The following POMP variants were observed in gnomAD, a reference collection of about 807,000 sequenced individuals.
The protein encoded by POMP is 2510048O06Rik.
In POMP, 12 loss-of-function variants were observed where a neutral mutation model predicts 20.6. That is an observed-to-expected ratio of 0.58 (90% CI 0.37 to 0.94). The LOEUF (loss-of-function observed/expected upper bound fraction) is 0.94. Among genes scored for constraint, POMP ranks in the 40% least tolerant of loss-of-function variants. The pLI is 0.01. For missense variants in POMP, 136 were observed against 161.1 expected (o/e 0.84, Z 0.84); for synonymous variants, 53 against 55.0 (o/e 0.96, Z 0.16).
chr13:28,662,642 AGGG>A (rs2137790157), intron 2 of POMP, 135 bp downstream of exon 2: 1 of 730,786 alleles, frequency 1.4e-6, no homozygotes, highest in African/African-American at 1.8e-5. Flanking sequence ...TGGGGTGCAG[AGGG>A]GAAGAGGCTT....
At chr13:28,665,586 C>T (rs1471972477) in intron 3 of POMP, among the ~76,000 whole-genome samples, 2 of 152,140 alleles carry the variant, frequency 1.3e-5, no homozygotes, top group African/African-American at 4.8e-5. Flanking sequence ...ATACATATTC[C>T]ACTTTTGTAT....
chr13:28,664,106 T>C (rs1048961401), intron 2 of POMP, among the ~76,000 whole-genome samples: 1 of 152,094 alleles, frequency 6.6e-6, no homozygotes, highest in African/African-American at 2.4e-5. Flanking sequence ...ATATATTAAA[T>C]ATTGAAAGTG....
At chr13:28,677,332 A>G (rs1208162224) in intron 5 of POMP, among the ~76,000 whole-genome samples, 2 of 152,096 alleles carry the variant, frequency 1.3e-5, no homozygotes, top group Non-Finnish European at 2.9e-5. Flanking sequence ...AGCCACCATT[A>G]TTATGTGCAG....
intron 3 of POMP, among the ~76,000 whole-genome samples, chr13:28,667,100 T>C (rs1443110468): frequency 6.6e-6 from 1 of 152,216 alleles, no homozygotes; most frequent in African/African-American, 2.4e-5. Context: ...TCAGTTTTGT[T>C]GTGTGTTGCC....
Position 28,664,584 on chromosome 13 carries a change from A to G in POMP, c.162+15A>G, listed in dbSNP as rs941430993. 2 of 1,408,170 alleles carry G rather than the reference A, an allele frequency of 1.4e-6. No homozygotes were observed. Among genetic ancestry groups the G allele is most frequent in the African/African-American group, 1.4e-5 (1 of 69,954 alleles). The allele number at this position is 1,408,170 out of a possible 1,614,324, so 87.2% of individuals were successfully genotyped here. On this transcript the variant is annotated intron_variant, in intron 3 of 5. Coordinates refer to ENST00000380842, the MANE Select transcript of POMP (RefSeq NM_015932.6). ...CAGAAAAAAATGTAAGTATATTATTATGTCCTTATTTTTATCTTCTAATAG... is the reference window on the plus strand; with the variant it reads ...CAGAAAAAAATGTAAGTATATTATTGTGTCCTTATTTTTATCTTCTAATAG...
At position 28,678,132 on chromosome 13, in the gene POMP, G is replaced by T. The variant is rs1347425731; in HGVS notation, c.*30G>T. Reference sequence around the variant, plus strand: ...GTGCTGTTCATGGAAACCGAGGGCTGCATCTTGTTTATAGTCATCTTTGTA... The same window carrying T: ...GTGCTGTTCATGGAAACCGAGGGCTTCATCTTGTTTATAGTCATCTTTGTA... On this transcript the variant is annotated 3_prime_UTR_variant, in exon 6 of 6. Transcript: ENST00000380842. 4 of 1,586,188 alleles carry T rather than the reference G, an allele frequency of 2.5e-6. No homozygotes were observed. The highest frequency in any genetic ancestry group is 3.5e-6 in the Non-Finnish European group (4 of 1,154,838).
At chr13:28,664,383 A>T (rs2511254) in intron 2 of POMP, 126 bp from the exon 3 acceptor site, 7,468 of 638,896 alleles carry the variant, frequency 0.012, 396 homozygotes, top group African/African-American at 0.11. Context: ...CACAGTCAAG[A>T]TACAGAACAG....
At chr13:28,676,987 A>C (rs969828507) in intron 5 of POMP, among the ~76,000 whole-genome samples, 1 of 152,204 alleles carries the variant, frequency 6.6e-6, no homozygotes, top group Admixed American at 6.5e-5. Context: ...TTATTAAAGA[A>C]GCTTTAAAAA....
intron 5 of POMP, among the ~76,000 whole-genome samples, chr13:28,672,782 A>G (rs765872502): frequency 2.0e-5 from 3 of 152,160 alleles, no homozygotes; most frequent in Non-Finnish European, 4.4e-5. Context: ...AAATTCTAAG[A>G]GTACATAGTC....
Position 28,678,442 on chromosome 13 carries a change from AT to A in POMP, c.*343del. On this transcript the variant is annotated 3_prime_UTR_variant, in exon 6 of 6. Transcript: ENST00000380842. ...TTAGTTTTGATTAAGCATTATAAGCATTTGAGTCTATAAACTTTATAGTAGC... is the reference window on the plus strand; with the variant it reads ...TTAGTTTTGATTAAGCATTATAAGCATTGAGTCTATAAACTTTATAGTAGC... 3.6e-6 allele frequency: 1 copy of A among 275,630 alleles called. No individual in the cohort carries two copies. The highest frequency in any genetic ancestry group is 7.1e-6 in the Non-Finnish European group (1 of 141,822). 17.1% of individuals were successfully genotyped at this position (275,630 alleles called of 1,614,324 possible).
chr13:28,672,229 G>C lies in POMP; in HGVS notation c.265-110G>C, dbSNP rs1884560083. On this transcript the variant is annotated intron_variant, in intron 4 of 5. Transcript: ENST00000380842. ...CACTTGTTAAATTGATCTTGTATTT[G>C]GTTTTGCGAATTTTCAAACAAAGAA... The C allele has an allele frequency of 3.5e-6, 3 of 845,686 alleles. No homozygotes were observed. The South Asian group carries it at 4.2e-5, about 12-fold the overall frequency. 52.4% of individuals were successfully genotyped at this position (845,686 alleles called of 1,614,324 possible).
At chr13:28,666,008 T>TG (rs1884438931) in intron 3 of POMP, among the ~76,000 whole-genome samples, 1 of 152,194 alleles carries the variant, frequency 6.6e-6, no homozygotes, top group African/African-American at 2.4e-5. Context: ...TTCAAGGACT[T>TG]GTGGGCAACC....
At chr13:28,663,277 A>G (rs755708504) in intron 2 of POMP, among the ~76,000 whole-genome samples, 1 of 152,070 alleles carries the variant, frequency 6.6e-6, no homozygotes, top group Admixed American at 6.6e-5. Context: ...TGAATTTTAC[A>G]TCTAATTTTA....
At chr13:28,672,634 C>T (rs1357331110) in intron 5 of POMP, among the ~76,000 whole-genome samples, 1 of 152,040 alleles carries the variant, frequency 6.6e-6, no homozygotes, top group Non-Finnish European at 1.5e-5. Context: ...TGCGGTGGCT[C>T]ACGTGTAATC....
intron 5 of POMP, among the ~76,000 whole-genome samples, chr13:28,674,072 A>T (rs764789814): frequency 1.3e-4 from 20 of 152,264 alleles, no homozygotes; most frequent in Non-Finnish European, 2.8e-4. Context: ...TATTTCAGAC[A>T]GAAGAGATGA....
chr13:28,662,308 T>C (rs1884356987), intron 1 of POMP, 102 bp from the exon 2 acceptor site: 1 of 822,216 alleles, frequency 1.2e-6, no homozygotes, highest in Non-Finnish European at 2.0e-6. Context: ...TGAGGGCCTC[T>C]TATTTTTCTG....
At chr13:28,661,220 T>TG (rs1313975835) in intron 1 of POMP, among the ~76,000 whole-genome samples, 1 of 152,086 alleles carries the variant, frequency 6.6e-6, no homozygotes, top group Non-Finnish European at 1.5e-5. Flanking sequence ...TCCAGCACTT[T>TG]GGGGGGTGCT....
intron 3 of POMP, among the ~76,000 whole-genome samples, chr13:28,664,821 A>T (rs1357873521): frequency 6.6e-6 from 1 of 152,054 alleles, no homozygotes; most frequent in East Asian, 1.9e-4. Flanking sequence ...TTCCTCTCAC[A>T]GGAATTTTCT....
At chr13:28,663,750 TA>T (rs1349336668) in intron 2 of POMP, among the ~76,000 whole-genome samples, 1 of 152,238 alleles carries the variant, frequency 6.6e-6, no homozygotes, top group Non-Finnish European at 1.5e-5. Context: ...ATTTGATATT[TA>T]TAATCAAGTT....
Sources: gnomAD v4.1 joint callset for allele counts (sites outside exome capture counted in the v4.1 genomes callset) on GRCh38, gnomAD v4.1.1 for gene constraint, MANE v1.5 for transcripts, NCBI Gene and HGNC (gene_info 2026-07-23, HGNC 2026-07-21) for gene names.